Variants in HDAC4 observed in about 807,000 individuals in gnomAD.
HDAC4 encodes histone deacetylase A.
In HDAC4, 16 loss-of-function variants were observed where a neutral mutation model predicts 135.1. That is an observed-to-expected ratio of 0.12 (90% CI 0.08 to 0.18). HDAC4 has a LOEUF of 0.18. Ranked by LOEUF, HDAC4 falls within the 10% of genes least tolerant of loss-of-function variation. The pLI is 1.00. For synonymous variants in HDAC4, 685 were observed against 653.4 expected, an observed-to-expected ratio of 1.05 and a Z score of -0.74; for missense variants, 1,143 against 1,511.8, an observed-to-expected ratio of 0.76 and a Z score of 4.05.
chr2:239,208,556 T>C (rs1017295191), intron 3 of HDAC4, among the ~76,000 whole-genome samples: 4 of 152,124 alleles, frequency 2.6e-5, no homozygotes, highest in Non-Finnish European at 5.9e-5. Flanking sequence ...TTGCTTTTAA[T>C]GGTGAATCCT....
intron 2 of HDAC4, among the ~76,000 whole-genome samples, chr2:239,278,050 C>T (rs2050486706): frequency 6.6e-6 from 1 of 152,250 alleles, no homozygotes; most frequent in Admixed American, 6.5e-5. Flanking sequence ...GCTCCAGCTA[C>T]ACACTCCAGC....
intron 2 of HDAC4, among the ~76,000 whole-genome samples, chr2:239,277,954 G>A (rs1036014219): frequency 3.9e-5 from 3 of 77,516 alleles, no homozygotes; most frequent in South Asian, 5.1e-4. Flanking sequence ...CCACACACTC[G>A]GCTCCCCGTC....
At chr2:239,343,697 G>A (rs1410042533) in intron 2 of HDAC4, among the ~76,000 whole-genome samples, 1 of 152,152 alleles carries the variant, frequency 6.6e-6, no homozygotes, top group African/African-American at 2.4e-5. Context: ...TGCCCTGCCT[G>A]CCCTGGCCAG....
At chr2:239,190,221 T>C (rs546782752) in intron 3 of HDAC4, 144 bp from the exon 4 acceptor site, 388 of 1,146,482 alleles carry the variant, frequency 3.4e-4, no homozygotes, top group Non-Finnish European at 4.4e-4. Context: ...CCTCTCCCCC[T>C]GTCCCCCTCT....
At chr2:239,088,788 T>G (rs910599510) in intron 18 of HDAC4, among the ~76,000 whole-genome samples, 3 of 152,070 alleles carry the variant, frequency 2.0e-5, no homozygotes, top group South Asian at 2.1e-4. Context: ...AATTACAAGT[T>G]TGGAACACAC....
At chr2:239,099,256 C>T (rs987502702) in intron 16 of HDAC4, among the ~76,000 whole-genome samples, 7 of 152,172 alleles carry the variant, frequency 4.6e-5, no homozygotes, top group Non-Finnish European at 8.8e-5. Flanking sequence ...GACCAACAGC[C>T]GGTCCTTTGA....
chr2:239,050,595 GACC>G lies in HDAC4; in HGVS notation c.*2499_*2501del, dbSNP rs1280701339. 1 of 152,648 alleles carries G rather than the reference GACC, an allele frequency of 6.6e-6. No individual in the cohort carries two copies. Among genetic ancestry groups the G allele is most frequent in the African/African-American group, 2.4e-5 (1 of 41,454 alleles). 9.5% of individuals were successfully genotyped at this position (152,648 alleles called of 1,614,324 possible). On this transcript the variant is annotated 3_prime_UTR_variant, in exon 27 of 27. Coordinates refer to ENST00000543185, the MANE Select transcript of HDAC4 (RefSeq NM_001378414.1). ...CAGAGCTGACCATCAGCAGCCCAGT[GACC>G]AAGTGAATCCAAGAATCTGCACTCA...
chr2:239,160,570 G>C (rs2042727402), intron 6 of HDAC4, among the ~76,000 whole-genome samples: 1 of 152,264 alleles, frequency 6.6e-6, no homozygotes, highest in Admixed American at 6.5e-5. Flanking sequence ...CATCAGTGGA[G>C]TCATGGGGGT....
At chr2:239,310,941 G>A (rs1162306468) in intron 2 of HDAC4, among the ~76,000 whole-genome samples, 3 of 152,198 alleles carry the variant, frequency 2.0e-5, no homozygotes, top group Non-Finnish European at 2.9e-5. Flanking sequence ...GAACCCTGAC[G>A]TTAACCTGCT....
intron 1 of HDAC4, among the ~76,000 whole-genome samples, chr2:239,390,061 T>A (rs1038182299): frequency 1.3e-5 from 2 of 152,118 alleles, no homozygotes. Flanking sequence ...TCTCCCCAGG[T>A]AGGGCAAAGA....
At chr2:239,074,454 A>T (rs1395173316) in intron 22 of HDAC4, among the ~76,000 whole-genome samples, 1 of 152,222 alleles carries the variant, frequency 6.6e-6, no homozygotes, top group Non-Finnish European at 1.5e-5. Context: ...ATACCAAGAG[A>T]GTCTCTGCTG....
rs74435738 is a variant in HDAC4 at position 239,299,938 on chromosome 2, G to A, written c.22+52740C>T. 0.015 allele frequency among the ~76,000 whole-genome samples: 2,327 copies of A among 152,320 alleles called. 39 individuals are homozygous for A. Among genetic ancestry groups the A allele is most frequent in the East Asian group, 0.078 (405 of 5,178 alleles). Reference sequence around the variant, plus strand: ...GGAGACAGGGGAGACAGAGAAGGAAGAGGGGTCCCATCAGAGGACTCCCTG... The same window carrying A: ...GGAGACAGGGGAGACAGAGAAGGAAAAGGGGTCCCATCAGAGGACTCCCTG... On this transcript the variant is annotated intron_variant, in intron 2 of 26. Coordinates refer to ENST00000543185, the MANE Select transcript of HDAC4 (RefSeq NM_001378414.1). The surrounding 1 kb of genome is among the most constrained non-coding windows in gnomAD (Gnocchi z 4.0).
intron 3 of HDAC4, among the ~76,000 whole-genome samples, chr2:239,232,867 CCCCTCACCAAGCCAAGGGTGGCCCTT>C (rs2047670503): frequency 1.2e-5 from 1 of 83,970 alleles, no homozygotes; most frequent in Non-Finnish European, 2.5e-5. Context: ...GGTGGCCCTT[CCCCTCACCAAGCCAAGGGTGGCCCTT>C]CCCTCACCAA....
At position 239,068,769 on chromosome 2, in the gene HDAC4, G is replaced by A. The variant is rs764734496; in HGVS notation, c.2751-162C>T. 71 of 708,316 alleles carry A rather than the reference G, an allele frequency of 1.0e-4. No homozygotes were observed. Among genetic ancestry groups the A allele is most frequent in the African/African-American group, 9.9e-4 (57 of 57,594 alleles). 43.9% of individuals were successfully genotyped at this position (708,316 alleles called of 1,614,324 possible). On this transcript the variant is annotated intron_variant, in intron 22 of 26. Transcript: ENST00000543185. This position sits in a 1 kb window ranked among gnomAD's most constrained non-coding sequence, Gnocchi z 4.4. ...CAGCAGGCTGGAATCTGGCGACCAC[G>A]CTTAATTAGAAGGGAATCAACCCAC...
intron 3 of HDAC4, among the ~76,000 whole-genome samples, chr2:239,200,939 A>T (rs2045718426): frequency 6.6e-6 from 1 of 152,166 alleles, no homozygotes; most frequent in Admixed American, 6.5e-5. Context: ...GCAGCAGAGG[A>T]GACTGCTCGC....
intron 16 of HDAC4, among the ~76,000 whole-genome samples, chr2:239,100,902 G>C (rs1216473212): frequency 1.3e-5 from 2 of 152,144 alleles, no homozygotes; most frequent in African/African-American, 4.8e-5. Flanking sequence ...GACGGTGGAA[G>C]GGTGCTGTAC....
chr2:239,393,829 C>T (rs1034515693), intron 1 of HDAC4, among the ~76,000 whole-genome samples: 16 of 152,208 alleles, frequency 1.1e-4, no homozygotes, highest in Admixed American at 9.8e-4. Flanking sequence ...CTGGCCACTG[C>T]GTCTGGCACA....
At chr2:239,255,782 G>A (rs1000562757) in intron 2 of HDAC4, among the ~76,000 whole-genome samples, 4 of 152,158 alleles carry the variant, frequency 2.6e-5, no homozygotes, top group Admixed American at 2.6e-4. Flanking sequence ...GCTCCCAAGA[G>A]CATGACTGAC....
rs1215887481 is a variant in HDAC4 at position 239,146,548 on chromosome 2, C to T, written c.734-1834G>A. ...GCTGTGGTACTGCAGCCCAGTGCAC[C>T]GCCTCCCCCAGGCCCTGTGGGGGTC... On this transcript the variant is annotated intron_variant, in intron 7 of 26. Transcript: ENST00000543185. This position sits in a 1 kb window ranked among gnomAD's most constrained non-coding sequence, Gnocchi z 4.5. Among the ~76,000 whole-genome samples, 2 of 152,188 alleles carry T rather than the reference C, an allele frequency of 1.3e-5. No individual in the cohort carries two copies. Among genetic ancestry groups the T allele is most frequent in the East Asian group, 1.9e-4 (1 of 5,188 alleles).
Sources: gnomAD v4.1 joint callset for allele counts (sites outside exome capture counted in the v4.1 genomes callset) on GRCh38, gnomAD v4.1.1 for gene constraint, Gnocchi (gnomAD v3.1) non-coding constraint, MANE v1.5 for transcripts, NCBI Gene and HGNC (gene_info 2026-07-23, HGNC 2026-07-21) for gene names.